The following WIZ variants were observed in gnomAD, a reference collection of about 807,000 sequenced individuals.
The protein encoded by WIZ is WIZ zinc finger.
Under a neutral mutation model 140.2 loss-of-function variants are expected in WIZ, and 25 were observed. The ratio of observed to expected loss-of-function variants is 0.18; its 90% confidence interval spans 0.13 to 0.25. WIZ has a LOEUF of 0.25. WIZ is among the 10% of genes least tolerant of loss of function. The pLI, the probability that WIZ is intolerant of heterozygous loss-of-function variation, is 1.00. For missense variants in WIZ, 2,231 were observed against 2,632.6 expected, an observed-to-expected ratio of 0.85 and a Z score of 3.34; for synonymous variants, 1,125 against 1,154.3, an observed-to-expected ratio of 0.97 and a Z score of 0.51.
chr19:15,432,559 G>C (rs1179262752), intron 5 of WIZ: 1 of 573,664 alleles, frequency 1.7e-6, no homozygotes, highest in Middle Eastern at 8.6e-4. Context: ...CGGCGGCGGC[G>C]CGGGGGGTGC....
At position 15,422,119 on chromosome 19, in the gene WIZ, A is replaced by C. The variant is rs1342411802; in HGVS notation, c.*957T>G. ...TGTTTCCAGAAGAGAAATTTAATCT[A>C]ATTTACATACTTCTAGGTACATCGA... On this transcript the variant is annotated 3_prime_UTR_variant, in exon 13 of 13. Transcript: ENST00000673675. 3 of 152,194 alleles carry C rather than the reference A, an allele frequency of 2.0e-5. No individual in the cohort carries two copies. The highest frequency in any genetic ancestry group is 4.4e-5 in the Non-Finnish European group (3 of 68,034). 9.4% of individuals were successfully genotyped at this position (152,194 alleles called of 1,614,324 possible).
intron 3 of WIZ, among the ~76,000 whole-genome samples, chr19:15,441,396 G>A (rs1599707307): frequency 6.6e-6 from 1 of 152,178 alleles, no homozygotes; most frequent in South Asian, 2.1e-4. Context: ...GAACCCCTTT[G>A]TCCTTATACA....
Position 15,440,661 on chromosome 19 carries a change from G to A in WIZ, c.333C>T (p.Leu111=), listed in dbSNP as rs1432830357. The A allele has an allele frequency of 6.6e-7, 1 of 1,525,456 alleles. No individual in the cohort carries two copies. Among genetic ancestry groups the A allele is most frequent in the Non-Finnish European group, 8.8e-7 (1 of 1,139,040 alleles). The allele number at this position is 1,525,456 out of a possible 1,614,324, so 94.5% of individuals were successfully genotyped here. Residue 111 remains leucine (L), a synonymous_variant, in exon 4 of 13, where the codon CTC becomes CTT. Coordinates refer to ENST00000673675, the MANE Select transcript of WIZ (RefSeq NM_001371589.1). The surrounding 1 kb of genome is among the most constrained non-coding windows in gnomAD (Gnocchi z 6.2). ...DFRPGSPPPH[L]LGHFPGTPDG... is the part of the protein sequence containing the mutation. Reference sequence around the variant, plus strand: ...CAGGGGTACCTGGGAAATGGCCCAGGAGATGGGGTGGTGGGGAGCCCGGCC... The same window carrying A: ...CAGGGGTACCTGGGAAATGGCCCAGAAGATGGGGTGGTGGGGAGCCCGGCC...
At position 15,423,109 on chromosome 19, in the gene WIZ, C is replaced by T. The variant is rs755067292; in HGVS notation, c.5637G>A (p.Pro1879=). The stretch of plus-strand genomic sequence containing the variant: ...CCTCTGCCGCCGCTGTCTGTGCCTG[C>T]GGGGCCTGGGACTCCTCAGGTGGGG... The part of the protein sequence containing the change: ...ADPPPEESQA[P]QAQTAAAEAP The change falls in exon 13 of 13, where the codon CCG becomes CCA. Residue 1879 remains proline, a synonymous_variant. Transcript: ENST00000673675. 3.9e-5 allele frequency: 63 copies of T among 1,612,086 alleles called. No individual in the cohort carries two copies. The highest frequency in any genetic ancestry group is 6.7e-5 in the African/African-American group (5 of 74,846).
rs536611681 is a variant in WIZ, at chr19:15,425,252, G to A, written c.4883C>T (p.Thr1628Ile). 3.8e-6 allele frequency: 6 copies of A among 1,582,440 alleles called. No homozygotes were observed. The highest frequency in any genetic ancestry group is 1.2e-5 in the South Asian group (1 of 86,942). The change falls in exon 10 of 13, where the codon ACC (threonine) becomes ATC (isoleucine). Residue 1628 changes from threonine (T) to isoleucine (I), a missense_variant. Physicochemically the swap from Thr to Ile is moderately conservative, Grantham distance 89. Around this residue, in one of 15 missense-constraint regions of WIZ, gnomAD observed 393 missense variants for 451.7 expected, o/e 0.87. Transcript: ENST00000673675. ...PFKAKTLHEKTSHSSTEACCE... is the reference protein window; with the variant it reads ...PFKAKTLHEKISHSSTEACCE... The stretch of plus-strand genomic sequence containing the variant: ...CGCCCGCTGCTTACAGGAGTGGGAG[G>A]TCTTCTCATGAAGGGTCTTTGCCTT...
chr19:15,441,425 C>T (rs1195084922), intron 3 of WIZ, among the ~76,000 whole-genome samples: 1 of 152,228 alleles, frequency 6.6e-6, no homozygotes, highest in Non-Finnish European at 1.5e-5. Context: ...GGAGCTTTCT[C>T]ATAGCCATCA....
rs765517890 is a variant in WIZ, at chr19:15,420,620, T to C, written c.*2456A>G. Reference sequence around the variant, plus strand: ...CTGAGACTTTGCTGCCTGAGGTGTATTGAAGTGGCTTGAGCAGAGAAGAGC... The same window carrying C: ...CTGAGACTTTGCTGCCTGAGGTGTACTGAAGTGGCTTGAGCAGAGAAGAGC... On this transcript the variant is annotated 3_prime_UTR_variant, in exon 13 of 13. Coordinates refer to ENST00000673675, the MANE Select transcript of WIZ (RefSeq NM_001371589.1). The C allele has an allele frequency of 3.3e-5, 5 of 152,230 alleles. No homozygotes were observed. The highest frequency in any genetic ancestry group is 5.9e-5 in the Non-Finnish European group (4 of 68,054). The allele number at this position is 152,230 out of a possible 1,614,324, so 9.4% of individuals were successfully genotyped here. A position where few individuals can be genotyped will look rare whatever the true frequency, so the allele number is the denominator to read the frequency against.
chr19:15,440,498 G>GT lies in WIZ; in HGVS notation c.495dup (p.His166ThrfsTer25). 1 of 1,536,112 alleles carries GT rather than the reference G, an allele frequency of 6.5e-7. No individual in the cohort carries two copies. Among genetic ancestry groups the GT allele is most frequent in the Non-Finnish European group, 8.7e-7 (1 of 1,146,902 alleles). On this transcript the variant is annotated frameshift_variant, in exon 4 of 13. Transcript: ENST00000673675. LOFTEE classifies it high-confidence loss of function. The surrounding 1 kb of genome is among the most constrained non-coding windows in gnomAD (Gnocchi z 6.2). ...AAAAGCCTTGGTTCCCCCCGGTGGT[G>GT]TAAGAACCTTCTAGAGCCCTCTAGC...
chr19:15,431,815 G>C (rs1288060530), intron 5 of WIZ, among the ~76,000 whole-genome samples: 2 of 152,226 alleles, frequency 1.3e-5, no homozygotes, highest in Non-Finnish European at 2.9e-5. Flanking sequence ...TTAAGTTTCT[G>C]AGACATCTAT....
At chr19:15,443,257 T>C (rs374342637) in intron 2 of WIZ, among the ~76,000 whole-genome samples, 2 of 152,174 alleles carry the variant, frequency 1.3e-5, no homozygotes, top group African/African-American at 4.8e-5. Context: ...TGTTTAGTAG[T>C]GACGGCGTTT....
chr19:15,428,299 G>T lies in WIZ; in HGVS notation c.3625C>A (p.Leu1209Met). The T allele has an allele frequency of 6.5e-7, 1 of 1,532,014 alleles. No individual in the cohort carries two copies. Among genetic ancestry groups the T allele is most frequent in the South Asian group, 1.2e-5 (1 of 83,718 alleles). 94.9% of individuals were successfully genotyped at this position (1,532,014 alleles called of 1,614,324 possible). A position where few individuals can be genotyped will look rare whatever the true frequency, so the allele number is the denominator to read the frequency against. The change falls in exon 8 of 13, where the codon CTG becomes ATG. Residue 1209 changes from leucine to methionine, a missense_variant. By Grantham distance (15) the Leu-to-Met change is conservative. Coordinates refer to ENST00000673675, the MANE Select transcript of WIZ (RefSeq NM_001371589.1). This position sits in a 1 kb window ranked among gnomAD's most constrained non-coding sequence, Gnocchi z 6.4. ...QIRLPPRRGALAHPGRPPPTS... is the reference protein window; with the variant it reads ...QIRLPPRRGAMAHPGRPPPTS... ...GGAGGCGGCCGCCCCGGGTGGGCCAGGGCGCCGCGCCTGGGTGGGAGGCGG... is the reference window on the plus strand; with the variant it reads ...GGAGGCGGCCGCCCCGGGTGGGCCATGGCGCCGCGCCTGGGTGGGAGGCGG...
Position 15,440,361 on chromosome 19 carries a change from G to A in WIZ, c.633C>T (p.Pro211=), listed in dbSNP as rs933792498. The stretch of plus-strand genomic sequence containing the variant: ...CAAACACCCTCCTGAAGGGGGCGAG[G>A]GGTGGCGGCTGGGCAGGCAGGTCCA... The part of the protein sequence containing the change: ...LHLDLPAQPP[P]LAPFRRVFVP... Residue 211 remains proline (P), a synonymous_variant, in exon 4 of 13, where the codon CCC becomes CCT. Coordinates refer to ENST00000673675, the MANE Select transcript of WIZ (RefSeq NM_001371589.1). This position sits in a 1 kb window ranked among gnomAD's most constrained non-coding sequence, Gnocchi z 6.2. 1.3e-6 allele frequency: 2 copies of A among 1,531,120 alleles called. No individual in the cohort carries two copies. Among genetic ancestry groups the A allele is most frequent in the Admixed American group, 3.9e-5 (2 of 50,816 alleles). The allele number at this position is 1,531,120 out of a possible 1,614,324, so 94.8% of individuals were successfully genotyped here. A position where few individuals can be genotyped will look rare whatever the true frequency, so the allele number is the denominator to read the frequency against.
At position 15,435,687 on chromosome 19, in the gene WIZ, G is replaced by T. The variant is rs867913247; in HGVS notation, c.2740+1119C>A. Among the ~76,000 whole-genome samples, 140 of 151,850 alleles carry T rather than the reference G, an allele frequency of 9.2e-4. 1 individual carries two copies. Among genetic ancestry groups the T allele is most frequent in the African/African-American group, 3.0e-3 (122 of 41,318 alleles). Reference sequence around the variant, plus strand: ...GTCTCTACTAAAAATACAAAAATTAGCCAGGCGTGGTGGTGCACGCCTGTA... The same window carrying T: ...GTCTCTACTAAAAATACAAAAATTATCCAGGCGTGGTGGTGCACGCCTGTA... On this transcript the variant is annotated intron_variant, in intron 5 of 12. Coordinates refer to ENST00000673675, the MANE Select transcript of WIZ (RefSeq NM_001371589.1).
chr19:15,433,166 T>G, intron 5 of WIZ: 1 of 870,662 alleles, frequency 1.1e-6, no homozygotes, highest in African/African-American at 1.8e-5. Context: ...GGAAAACACC[T>G]GATCTCCAAC....
At position 15,440,056 on chromosome 19, in the gene WIZ, G is replaced by T. The variant is rs1300075850; in HGVS notation, c.938C>A (p.Ala313Asp). 6.5e-7 allele frequency: 1 copy of T among 1,535,784 alleles called. No homozygotes were observed. Among genetic ancestry groups the T allele is most frequent in the African/African-American group, 1.4e-5 (1 of 73,008 alleles). ...GCTGCACTCGATGCATGGGAACACG[G>T]CCGGCTCCTCGTCCTCGTCCTCATC... The part of the protein sequence containing the change: ...SPDEDEDEEP[A>D]VFPCIECSIY... The change falls in exon 4 of 13, where the codon GCC (alanine) becomes GAC (aspartate). Residue 313 changes from alanine (A) to aspartate (D), a missense_variant. Around this residue, in one of 15 missense-constraint regions of WIZ, gnomAD observed 6 missense variants for 19.8 expected, o/e 0.30. Coordinates refer to ENST00000673675, the MANE Select transcript of WIZ (RefSeq NM_001371589.1). The surrounding 1 kb of genome is among the most constrained non-coding windows in gnomAD (Gnocchi z 6.2).
rs1190355991 is a variant in WIZ, at chr19:15,440,286, G to A, written c.708C>T (p.Gly236=). 3 of 1,493,486 alleles carry A rather than the reference G, an allele frequency of 2.0e-6. 1 individual carries two copies. Among genetic ancestry groups the A allele is most frequent in the South Asian group, 2.6e-5 (2 of 77,802 alleles). 92.5% of individuals were successfully genotyped at this position (1,493,486 alleles called of 1,614,324 possible). ...CCTCCAGGTCCTCCAGATCTTCTCTGCCACCCACCACCGCCATGTCCAGCG... is the reference window on the plus strand; with the variant it reads ...CCTCCAGGTCCTCCAGATCTTCTCTACCACCCACCACCGCCATGTCCAGCG... ...PKTLDMAVVG[G]REDLEDLEGL... is the part of the protein sequence containing the mutation. Residue 236 remains glycine, a synonymous_variant, in exon 4 of 13, where the codon GGC becomes GGT. Coordinates refer to ENST00000673675, the MANE Select transcript of WIZ (RefSeq NM_001371589.1). This position sits in a 1 kb window ranked among gnomAD's most constrained non-coding sequence, Gnocchi z 6.2.
chr19:15,435,089 C>T (rs965935245), intron 5 of WIZ, among the ~76,000 whole-genome samples: 8 of 152,012 alleles, frequency 5.3e-5, no homozygotes, highest in East Asian at 1.9e-4. Context: ...TGTGGTGGCA[C>T]GCCCTGTAAT....
At chr19:15,438,010 C>A (rs990515680) in intron 4 of WIZ, among the ~76,000 whole-genome samples, 1 of 152,120 alleles carries the variant, frequency 6.6e-6, no homozygotes, top group Non-Finnish European at 1.5e-5. Context: ...CACACACACA[C>A]ACGCACACAC....
chr19:15,432,141 A>C (rs1048337874), intron 5 of WIZ, among the ~76,000 whole-genome samples: 2 of 152,004 alleles, frequency 1.3e-5, no homozygotes, highest in Non-Finnish European at 2.9e-5. Flanking sequence ...GGCAGGGCTG[A>C]AGTGAGTTTC....
Sources: allele counts gnomAD v4.1 joint callset (sites outside exome capture counted in the v4.1 genomes callset), GRCh38; gene constraint gnomAD v4.1.1; regional missense constraint gnomAD v4.1.1; non-coding constraint Gnocchi (gnomAD v3.1); transcripts MANE v1.5; gene names NCBI Gene and HGNC (gene_info 2026-07-23, HGNC 2026-07-21).